The following PCMT1 variants were observed in gnomAD, a reference collection of about 807,000 sequenced individuals.
PCMT1 encodes the protein protein-L-isoaspartate(D-aspartate) O-methyltransferase.
In PCMT1, 9 loss-of-function variants were observed where a neutral mutation model predicts 29.2. The observed-to-expected ratio is 0.31, with a 90% CI of 0.19 to 0.54. The LOEUF is 0.54. Ranked by LOEUF, PCMT1 falls within the 20% of genes least tolerant of loss-of-function variation. PCMT1 has a pLI of 0.95. For synonymous variants in PCMT1, 98 were observed against 97.5 expected, an observed-to-expected ratio of 1.00 and a Z score of -0.03; for missense variants, 184 against 282.2, an observed-to-expected ratio of 0.65 and a Z score of 2.49.
intron 2 of PCMT1, chr6:149,772,318 T>C: frequency 3.0e-6 from 1 of 330,420 alleles, no homozygotes. Flanking sequence ...AAAGATTGTG[T>C]GAATTAACAT....
intron 3 of PCMT1, among the ~76,000 whole-genome samples, chr6:149,783,288 A>G (rs2115284842): frequency 6.6e-6 from 1 of 152,074 alleles, no homozygotes; most frequent in South Asian, 2.1e-4. Flanking sequence ...ATGCACCACC[A>G]TGCCTGGATA....
intron 7 of PCMT1, among the ~76,000 whole-genome samples, chr6:149,803,533 T>C (rs1200702487): frequency 6.7e-6 from 1 of 149,762 alleles, no homozygotes; most frequent in African/African-American, 2.4e-5. Context: ...CCCTTCCCAC[T>C]CCCTTCCATG....
chr6:149,797,963 C>T (rs1788681683), intron 6 of PCMT1: 1 of 152,024 alleles, frequency 6.6e-6, no homozygotes, highest in Non-Finnish European at 1.5e-5. Flanking sequence ...CTCAGAAGTT[C>T]GAGACCAGCC....
intron 3 of PCMT1, among the ~76,000 whole-genome samples, chr6:149,787,459 C>T (rs936686883): frequency 2.0e-5 from 3 of 151,866 alleles, no homozygotes; most frequent in Admixed American, 6.6e-5. Flanking sequence ...ATCCACCTCC[C>T]GGGTTCAAGC....
chr6:149,756,288 A>AAT (rs5880847), intron 1 of PCMT1, among the ~76,000 whole-genome samples: 1 of 150,606 alleles, frequency 6.6e-6, no homozygotes, highest in Non-Finnish European at 1.5e-5. Context: ...ATTATTTTCT[A>AAT]TCTACAGCAC....
chr6:149,769,030 T>C (rs2115245429), intron 1 of PCMT1, among the ~76,000 whole-genome samples: 1 of 152,364 alleles, frequency 6.6e-6, no homozygotes, highest in South Asian at 2.1e-4. Flanking sequence ...CCTGGTAATA[T>C]GTTTACTCCC....
intron 3 of PCMT1, among the ~76,000 whole-genome samples, 194 bp from the exon 4 acceptor site, chr6:149,789,760 T>G (rs78155379): frequency 1.3e-5 from 2 of 152,134 alleles, no homozygotes; most frequent in Non-Finnish European, 2.9e-5. Flanking sequence ...CTAAAATTAC[T>G]GAAACACATG....
chr6:149,793,861 T>G (rs1788487364), intron 5 of PCMT1, among the ~76,000 whole-genome samples, 192 bp downstream of exon 5: 1 of 152,224 alleles, frequency 6.6e-6, no homozygotes, highest in Non-Finnish European at 1.5e-5. Context: ...GAGTTTAATT[T>G]TGTATTTTCC....
rs61038108 is a variant in PCMT1, at chr6:149,756,512, C to CTT, written c.55+6587_55+6588dup. 7.0e-3 allele frequency among the ~76,000 whole-genome samples: 521 copies of CTT among 74,608 alleles called. 57 individuals are homozygous for CTT. Among genetic ancestry groups the CTT allele is most frequent in the Non-Finnish European group, 9.0e-3 (343 of 38,000 alleles). 48.9% of individuals were successfully genotyped at this position (74,608 alleles called of 152,430 possible). A position where few individuals can be genotyped will look rare whatever the true frequency, so the allele number is the denominator to read the frequency against. ...TACAGATGCACACCACCATGACTGGCTTTTTTTTTTTTTTTTTTTTTTTTT... is the reference window on the plus strand; with the variant it reads ...TACAGATGCACACCACCATGACTGGCTTTTTTTTTTTTTTTTTTTTTTTTTTT... On this transcript the variant is annotated intron_variant, in intron 1 of 7. Transcript: ENST00000464889.
chr6:149,783,438 T>C (rs1445014913), intron 3 of PCMT1, among the ~76,000 whole-genome samples: 1 of 152,172 alleles, frequency 6.6e-6, no homozygotes, highest in Non-Finnish European at 1.5e-5. Context: ...TCCCACATGT[T>C]ATTAATTATA....
intron 1 of PCMT1, among the ~76,000 whole-genome samples, chr6:149,765,068 A>C (rs2115233627): frequency 6.8e-6 from 1 of 148,086 alleles, no homozygotes; most frequent in East Asian, 2.0e-4. Flanking sequence ...TATAAAAAAT[A>C]AAATAATGCG....
At chr6:149,808,803 A>G (rs1190413101) in intron 7 of PCMT1, among the ~76,000 whole-genome samples, 2 of 151,744 alleles carry the variant, frequency 1.3e-5, no homozygotes, top group Non-Finnish European at 2.9e-5. Context: ...CACCCGGCTA[A>G]TTATTTGTAT....
chr6:149,768,132 C>T, intron 1 of PCMT1, among the ~76,000 whole-genome samples: 1 of 147,954 alleles, frequency 6.8e-6, no homozygotes, highest in East Asian at 1.9e-4. Flanking sequence ...TACTCTGTTG[C>T]CCAGGCTGGA....
chr6:149,810,885 G>T lies in PCMT1; in HGVS notation c.*307G>T. On this transcript the variant is annotated 3_prime_UTR_variant, in exon 8 of 8. Coordinates refer to ENST00000464889, the MANE Select transcript of PCMT1 (RefSeq NM_001360452.2). ...CATATTTTACTTGGAAATATTAAAA[G>T]AAAGGGTTCTGTAAAATGGAAAACT... is the stretch of plus-strand genomic sequence containing the variant. 1 of 377,494 alleles carries T rather than the reference G, an allele frequency of 2.6e-6. No homozygotes were observed. 23.4% of individuals were successfully genotyped at this position (377,494 alleles called of 1,614,324 possible).
intron 3 of PCMT1, among the ~76,000 whole-genome samples, chr6:149,774,245 CTTTTTTTTTTT>C (rs1341026260): frequency 6.8e-6 from 1 of 146,236 alleles, no homozygotes; most frequent in Admixed American, 6.8e-5. Flanking sequence ...TTTTTCTTTT[CTTTTTTTTTTT>C]TGAGATGGAG....
intron 1 of PCMT1, among the ~76,000 whole-genome samples, chr6:149,755,439 AT>A (rs1786469229): frequency 6.6e-6 from 1 of 151,854 alleles, no homozygotes; most frequent in South Asian, 2.1e-4. Flanking sequence ...AAAAAAAAAA[AT>A]GTTGAGTATC....
chr6:149,751,538 A>G (rs992658630), intron 1 of PCMT1, among the ~76,000 whole-genome samples: 3 of 146,482 alleles, frequency 2.0e-5, no homozygotes, highest in Admixed American at 6.8e-5. Flanking sequence ...CTGGAGTGCA[A>G]TGGCGCGGTC....
chr6:149,771,490 A>G (rs1301198025), intron 2 of PCMT1, among the ~76,000 whole-genome samples: 1 of 152,172 alleles, frequency 6.6e-6, no homozygotes, highest in African/African-American at 2.4e-5. Context: ...AATTAAAAAC[A>G]TTTTTTGAAA....
intron 1 of PCMT1, among the ~76,000 whole-genome samples, chr6:149,766,239 T>G (rs1373065480): frequency 2.0e-5 from 3 of 152,152 alleles, no homozygotes; most frequent in African/African-American, 7.2e-5. Flanking sequence ...GGTTATCTCT[T>G]GGTTAAATGA....
Sources: gnomAD v4.1 joint callset for allele counts (sites outside exome capture counted in the v4.1 genomes callset) on GRCh38, gnomAD v4.1.1 for gene constraint, MANE v1.5 for transcripts, NCBI Gene and HGNC (gene_info 2026-07-23, HGNC 2026-07-21) for gene names.